KLHL13: variants seen among roughly 807,000 people sequenced by gnomAD.
The protein encoded by KLHL13 is kelch like family member 13, also known as kelch-like protein 13.
KLHL13 carries 10 observed loss-of-function variants against 37.1 expected under a neutral mutation model. That is an observed-to-expected ratio of 0.27 (90% CI 0.17 to 0.46). KLHL13 has a LOEUF of 0.46. Among genes scored for constraint, KLHL13 ranks in the 20% least tolerant of loss-of-function variants. KLHL13 has a pLI of 1.00. For missense variants in KLHL13, 360 were observed against 509.3 expected (o/e 0.71, Z 2.82); for synonymous variants, 163 against 181.2 (o/e 0.90, Z 0.81).
At chrX:118,102,183 C>T (rs1279347685) in intron 1 of KLHL13, among the ~76,000 whole-genome samples, 4 of 111,557 alleles carry the variant, frequency 3.6e-5, no homozygotes, top group Non-Finnish European at 7.5e-5. Context: ...AAATGTGTAG[C>T]TGATGTCATA....
In KLHL13 at chrX:118,039,436, T is replaced by C. The variant is rs747875698; in HGVS notation, c.-56+77072A>G. Among the ~76,000 whole-genome samples, 6 of 111,868 alleles carry C rather than the reference T, an allele frequency of 5.4e-5. No individual in the cohort carries two copies. The East Asian group carries it at 1.7e-3, about 32-fold the overall frequency. On this transcript the variant is annotated intron_variant, in intron 1 of 6. Transcript: ENST00000371882. ...CACTTGAGCCTTGAGTGAACATCACTGGTAGCTAGATAGTACTCATTACAG... is the reference window on the plus strand; with the variant it reads ...CACTTGAGCCTTGAGTGAACATCACCGGTAGCTAGATAGTACTCATTACAG...
intron 1 of KLHL13, among the ~76,000 whole-genome samples, chrX:118,060,653 G>A (rs932632860): frequency 9.0e-6 from 1 of 110,857 alleles, no homozygotes; most frequent in Admixed American, 9.6e-5. Flanking sequence ...TTATTAATAT[G>A]CTCAAGGTCA....
At chrX:117,995,427 AT>A (rs762574213) in intron 1 of KLHL13, among the ~76,000 whole-genome samples, 12 of 110,580 alleles carry the variant, frequency 1.1e-4, no homozygotes, top group South Asian at 3.9e-4. Context: ...AAAAGTAGTG[AT>A]TTTTTTTTAA....
At chrX:118,057,706 G>C (rs1024772370) in intron 1 of KLHL13, among the ~76,000 whole-genome samples, 1 of 110,238 alleles carries the variant, frequency 9.1e-6, no homozygotes, top group African/African-American at 3.3e-5. Flanking sequence ...GACACCTGTA[G>C]TCCCAGCCAC....
chrX:117,899,289 G>A (rs1016222139), exon 7 of KLHL13: 1 of 1,211,194 alleles, frequency 8.3e-7, no homozygotes, highest in Non-Finnish European at 1.1e-6. Flanking sequence ...CTGTACACAT[G>A]CAATGCAGAC....
At chrX:118,026,575 C>T (rs1484331466) in intron 1 of KLHL13, among the ~76,000 whole-genome samples, 1 of 111,557 alleles carries the variant, frequency 9.0e-6, no homozygotes, top group Non-Finnish European at 1.9e-5. Flanking sequence ...GGGGACAATG[C>T]CCCCAAAGAA....
At chrX:117,971,216 A>G (rs1340442604) in intron 1 of KLHL13, among the ~76,000 whole-genome samples, 1 of 111,828 alleles carries the variant, frequency 8.9e-6, no homozygotes, top group Non-Finnish European at 1.9e-5. Flanking sequence ...AATCAAATAT[A>G]GTAGGAATAT....
chrX:117,910,666 GATA>G (rs772594242), intron 4 of KLHL13, among the ~76,000 whole-genome samples: 2 of 111,445 alleles, frequency 1.8e-5, no homozygotes, highest in Non-Finnish European at 3.8e-5. Flanking sequence ...AATTTAATAA[GATA>G]ATTATCCCTA....
rs768365670 is a variant in KLHL13 at position 117,966,220 on chromosome X, T to C, written c.98+6511A>G. ...TCCTAACTTCAGCAAAGTCTCAGGA[T>C]ACAAAATCAATGTGCAAAAATCACA... is the stretch of plus-strand genomic sequence containing the variant. On this transcript the variant is annotated intron_variant, in intron 1 of 6. Coordinates refer to ENST00000262820, the Ensembl canonical transcript of KLHL13. Among the ~76,000 whole-genome samples the C allele has an allele frequency of 5.4e-5, 6 of 112,063 alleles. No homozygotes were observed. The East Asian group carries it at 1.7e-3, about 31-fold the overall frequency.
intron 1 of KLHL13, among the ~76,000 whole-genome samples, chrX:118,017,613 C>A (rs181879974): frequency 5.2e-4 from 58 of 110,986 alleles, no homozygotes; most frequent in African/African-American, 1.4e-3. Flanking sequence ...CCTCCCAAGA[C>A]CCGGTGTATA....
In KLHL13 at chrX:118,011,073, AAAATAAATAAAT is replaced by A. The variant is rs746728611; in HGVS notation, c.-55-65510_-55-65499del. Among the ~76,000 whole-genome samples, 5 of 108,378 alleles carry A rather than the reference AAAATAAATAAAT, an allele frequency of 4.6e-5. No individual in the cohort carries two copies. In the East Asian group the frequency reaches 8.7e-4, roughly 19 times the overall value. The allele number at this position is 108,378 out of a possible 115,157, so 94.1% of individuals were successfully genotyped here. A position where few individuals can be genotyped will look rare whatever the true frequency, so the allele number is the denominator to read the frequency against. On this transcript the variant is annotated intron_variant, in intron 1 of 6. Coordinates refer to the KLHL13 transcript ENST00000371882. ...GGGTGACAGAGTGAGACACTGTCTC[AAAATAAATAAAT>A]AAATAAATAAATAAATAAGAAAAGG...
At chrX:117,956,910 T>C (rs757974210) in intron 1 of KLHL13, among the ~76,000 whole-genome samples, 3 of 112,633 alleles carry the variant, frequency 2.7e-5, no homozygotes, top group Admixed American at 9.4e-5. Context: ...GGTAATGAAT[T>C]TGACTACATA....
At chrX:117,906,527 G>T (rs760125750) in intron 5 of KLHL13, among the ~76,000 whole-genome samples, 11 of 111,004 alleles carry the variant, frequency 9.9e-5, no homozygotes, top group Non-Finnish European at 9.4e-5. Flanking sequence ...GAACTCAAAG[G>T]GGGTGGAGTG....
intron 1 of KLHL13, among the ~76,000 whole-genome samples, chrX:118,103,902 T>C (rs1352694848): frequency 1.8e-5 from 2 of 109,640 alleles, no homozygotes; most frequent in African/African-American, 6.7e-5. Context: ...CATAGTATCA[T>C]GGAATACATT....
intron 1 of KLHL13, among the ~76,000 whole-genome samples, chrX:117,970,719 T>C (rs1045775628): frequency 8.9e-6 from 1 of 111,845 alleles, no homozygotes; most frequent in Non-Finnish European, 1.9e-5. Context: ...CTAAACAACA[T>C]ATTTAAAAAC....
intron 1 of KLHL13, among the ~76,000 whole-genome samples, chrX:118,007,390 A>AG (rs1263987064): frequency 3.4e-4 from 35 of 102,681 alleles, no homozygotes; most frequent in African/African-American, 1.3e-3. Context: ...AAAAAAAAAA[A>AG]AAAGAGAGAG....
intron 4 of KLHL13, among the ~76,000 whole-genome samples, chrX:117,911,495 A>G (rs1279479675): frequency 1.8e-5 from 2 of 111,169 alleles, no homozygotes; most frequent in African/African-American, 6.6e-5. Context: ...GGTTTGCTGC[A>G]CCTATCAACC....
chrX:118,032,936 T>C (rs905431211), intron 1 of KLHL13, among the ~76,000 whole-genome samples: 1 of 110,932 alleles, frequency 9.0e-6, no homozygotes, highest in East Asian at 2.8e-4. Flanking sequence ...GAGAACTACG[T>C]GAAGAATGCA....
At chrX:117,919,172 C>T (rs1458843876) in intron 4 of KLHL13, among the ~76,000 whole-genome samples, 1 of 111,156 alleles carries the variant, frequency 9.0e-6, no homozygotes, top group Non-Finnish European at 1.9e-5. Flanking sequence ...TACAGGCATG[C>T]ACCACCATGC....
Sources: allele counts gnomAD v4.1 joint callset (sites outside exome capture counted in the v4.1 genomes callset), GRCh38; gene constraint gnomAD v4.1.1; transcripts MANE v1.5; gene names NCBI Gene and HGNC (gene_info 2026-07-23, HGNC 2026-07-21).